The following ZNF765 variants were observed in gnomAD, a reference collection of about 807,000 sequenced individuals.
The protein encoded by ZNF765 is zinc finger protein 765.
Under a neutral mutation model 44.7 loss-of-function variants are expected in ZNF765, and 37 were observed. That is an observed-to-expected ratio of 0.83 (90% confidence interval 0.64 to 1.09). The LOEUF (loss-of-function observed/expected upper bound fraction) is 1.09, where lower values mean the gene tolerates loss of function less well. Ranked by LOEUF, ZNF765 falls within the 50% of genes least tolerant of loss-of-function variation. The pLI is 0.00. For missense variants in ZNF765, 594 were observed against 626.1 expected, an observed-to-expected ratio of 0.95 and a Z score of 0.55; for synonymous variants, 201 against 213.7, an observed-to-expected ratio of 0.94 and a Z score of 0.52.
In ZNF765 at chr19:53,410,648, G is replaced by T. The variant is rs115064408; in HGVS notation, c.*1521G>T. The T allele has an allele frequency of 5.1e-3, 2,442 of 481,542 alleles. 65 individuals carry two copies. The highest frequency in any genetic ancestry group is 0.044 in the African/African-American group (2,219 of 50,330). The allele number at this position is 481,542 out of a possible 1,614,324, so 29.8% of individuals were successfully genotyped here. On this transcript the variant is annotated 3_prime_UTR_variant, in exon 4 of 4. Transcript: ENST00000396408. ...ACTACAACCATTGCGAATCATTGGAGAATCCATAATGAAGAGAGATCATAC... is the reference window on the plus strand; with the variant it reads ...ACTACAACCATTGCGAATCATTGGATAATCCATAATGAAGAGAGATCATAC...
In ZNF765 at chr19:53,410,150, T is replaced by A. The variant is rs1020027351; in HGVS notation, c.*1023T>A. The stretch of plus-strand genomic sequence containing the variant: ...AAATCAAACCTTGATAGTCATAGAA[T>A]TCATACTAGAGAGAAACCTTAGCAG... On this transcript the variant is annotated 3_prime_UTR_variant, in exon 4 of 4. Transcript: ENST00000396408. 1.9e-5 allele frequency: 8 copies of A among 419,948 alleles called. No homozygotes were observed. The highest frequency in any genetic ancestry group is 3.4e-5 in the Non-Finnish European group (7 of 207,262). The allele number at this position is 419,948 out of a possible 1,614,324, so 26.0% of individuals were successfully genotyped here.
intron 3 of ZNF765, among the ~76,000 whole-genome samples, chr19:53,422,087 T>C (rs1344682242): frequency 6.6e-6 from 1 of 152,186 alleles, no homozygotes; most frequent in Non-Finnish European, 1.5e-5. Flanking sequence ...TATTCATAAT[T>C]GGTATCAGCC....
At chr19:53,421,136 T>C (rs1182660645) in intron 3 of ZNF765, among the ~76,000 whole-genome samples, 3 of 152,204 alleles carry the variant, frequency 2.0e-5, no homozygotes, top group Non-Finnish European at 4.4e-5. Flanking sequence ...GCAATACTGC[T>C]CTTTACTGCA....
chr19:53,398,416 A>G (rs1323431599), intron 2 of ZNF765, among the ~76,000 whole-genome samples: 1 of 152,194 alleles, frequency 6.6e-6, no homozygotes, highest in Non-Finnish European at 1.5e-5. Flanking sequence ...TGCACAAAGT[A>G]TGTGGTAAAT....
At chr19:53,413,361 A>G (rs1368946448), downstream of ZNF765, 1 of 574,740 alleles carries the variant, frequency 1.7e-6, no homozygotes, top group Non-Finnish European at 3.4e-6. Flanking sequence ...TGCACGTGAG[A>G]TGGCACACAT....
Position 53,411,536 on chromosome 19 carries a change from C to T in ZNF765, c.*2409C>T, listed in dbSNP as rs1347631980. ...TGAACTCCCAGCCTCAGATGATCCA[C>T]CCACCTCGGCCTCCCAAAGTGCTGG... is the stretch of plus-strand genomic sequence containing the variant. On this transcript the variant is annotated 3_prime_UTR_variant, in exon 4 of 4. Transcript: ENST00000396408. The T allele has an allele frequency of 1.3e-5, 2 of 152,456 alleles. No individual in the cohort carries two copies. The highest frequency in any genetic ancestry group is 2.9e-5 in the Non-Finnish European group (2 of 68,280). 9.4% of individuals were successfully genotyped at this position (152,456 alleles called of 1,614,324 possible). A position where few individuals can be genotyped will look rare whatever the true frequency, so the allele number is the denominator to read the frequency against.
In ZNF765 at chr19:53,407,697, G is replaced by T. The variant is rs766466659; in HGVS notation, c.143-1G>T. ...AACCTTTTGGTGTGTATACTTTTTA[G>T]ATATCTCTTCCAAATGCATGATGAA... On this transcript the variant is annotated splice_acceptor_variant, in intron 3 of 3. Transcript: ENST00000396408. LOFTEE classifies it high-confidence loss of function. 1.9e-6 allele frequency: 3 copies of T among 1,538,464 alleles called. No homozygotes were observed. The highest frequency in any genetic ancestry group is 2.6e-5 in the South Asian group (2 of 76,758).
chr19:53,400,004 A>G (rs2085707426), intron 2 of ZNF765, among the ~76,000 whole-genome samples: 1 of 151,992 alleles, frequency 6.6e-6, no homozygotes, highest in Admixed American at 6.6e-5. Flanking sequence ...TAGTAGAGAC[A>G]GGGTTTCACC....
In ZNF765 at chr19:53,408,449, T is replaced by G. The variant is rs1033384631; in HGVS notation, c.894T>G (p.Pro298=). The stretch of plus-strand genomic sequence containing the variant: ...GTAGACTTCATACTGGAGAGAAACC[T>G]TACAAATGTGAAGAATGTGACAAAG... ...CHRRLHTGEK[P]YKCEECDKAF... Residue 298 remains proline, a synonymous_variant, in exon 4 of 4, where the codon CCT becomes CCG. Transcript: ENST00000396408. The G allele has an allele frequency of 4.3e-6, 7 of 1,613,582 alleles. No homozygotes were observed. Among genetic ancestry groups the G allele is most frequent in the Admixed American group, 1.7e-5 (1 of 59,970 alleles).
chr19:53,408,929 A>G lies in ZNF765; in HGVS notation c.1374A>G (p.Lys458=). Residue 458 remains lysine (K), a synonymous_variant, in exon 4 of 4, where the codon AAA becomes AAG. Coordinates refer to ENST00000396408, the MANE Select transcript of ZNF765 (RefSeq NM_001040185.3). ...AATCAAACCTTGAAATACATCAGAA[A>G]ATTCATACTGAAGAGAATCCTTACA... ...SFKSNLEIHQ[K]IHTEENPYKC... 6.2e-7 allele frequency: 1 copy of G among 1,613,348 alleles called. No homozygotes were observed. The highest frequency in any genetic ancestry group is 8.5e-7 in the Non-Finnish European group (1 of 1,179,826).
At chr19:53,399,928 C>T (rs1020940924) in intron 2 of ZNF765, among the ~76,000 whole-genome samples, 2 of 152,138 alleles carry the variant, frequency 1.3e-5, no homozygotes, top group Non-Finnish European at 2.9e-5. Flanking sequence ...GATTCTCCTG[C>T]CTCAGCCTCC....
At position 53,409,422 on chromosome 19, in the gene ZNF765, TAGG is replaced by T. The variant is rs1185309835; in HGVS notation, c.*298_*300del. On this transcript the variant is annotated 3_prime_UTR_variant, in exon 4 of 4. Transcript: ENST00000396408. ...GTTTCAAATCCAACCTTGAAAGACATAGGAGAATTCACACTGGTGAGAAACCTT... is the reference window on the plus strand; with the variant it reads ...GTTTCAAATCCAACCTTGAAAGACATAGAATTCACACTGGTGAGAAACCTT... 3.8e-5 allele frequency: 32 copies of T among 848,184 alleles called. No homozygotes were observed. Among genetic ancestry groups the T allele is most frequent in the East Asian group, 7.4e-5 (3 of 40,730 alleles). 52.5% of individuals were successfully genotyped at this position (848,184 alleles called of 1,614,324 possible). A position where few individuals can be genotyped will look rare whatever the true frequency, so the allele number is the denominator to read the frequency against.
In ZNF765 at chr19:53,408,081, A is replaced by G. The variant is rs1339740085; in HGVS notation, c.526A>G (p.Thr176Ala). The G allele has an allele frequency of 4.3e-6, 7 of 1,614,048 alleles. No homozygotes were observed. Among genetic ancestry groups the G allele is most frequent in the East Asian group, 2.2e-5 (1 of 44,888 alleles). ...KSIHDASLVS[T>A]AQRISCRPET... ...TATCCACGATGCTTCCTTGGTTTCA[A>G]CAGCCCAAAGAATTTCTTGTAGGCC... is the stretch of plus-strand genomic sequence containing the variant. The change falls in exon 4 of 4, where the codon ACA (threonine) becomes GCA (alanine). Residue 176 changes from threonine (T) to alanine (A), a missense_variant. By Grantham distance (58) the Thr-to-Ala change is moderately conservative. Transcript: ENST00000396408.
At chr19:53,401,841 A>G in intron 2 of ZNF765, 1 of 1,189,504 alleles carries the variant, frequency 8.4e-7, no homozygotes, top group East Asian at 2.5e-5. Context: ...GTGCCATTGC[A>G]CTCCAGGCTG....
intron 3 of ZNF765, among the ~76,000 whole-genome samples, chr19:53,422,680 T>C (rs1458821910): frequency 6.6e-6 from 1 of 152,084 alleles, no homozygotes; most frequent in Non-Finnish European, 1.5e-5. Flanking sequence ...GTTCAAGGGA[T>C]CCTCCTACCT....
intron 2 of ZNF765, among the ~76,000 whole-genome samples, chr19:53,399,925 C>T (rs1275071796): frequency 6.6e-6 from 1 of 152,104 alleles, no homozygotes; most frequent in Non-Finnish European, 1.5e-5. Flanking sequence ...AGTGATTCTC[C>T]TGCCTCAGCC....
At chr19:53,396,630 C>T (rs1183474115) in intron 1 of ZNF765, among the ~76,000 whole-genome samples, 1 of 152,142 alleles carries the variant, frequency 6.6e-6, no homozygotes, top group Non-Finnish European at 1.5e-5. Context: ...TTCTGGAGCT[C>T]ATTCCTTTGG....
rs771367801 is a variant in ZNF765 at position 53,410,103 on chromosome 19, A to G, written c.*976A>G. 7.8e-5 allele frequency: 35 copies of G among 450,462 alleles called. No homozygotes were observed. The highest frequency in any genetic ancestry group is 1.4e-4 in the Non-Finnish European group (30 of 220,810). 27.9% of individuals were successfully genotyped at this position (450,462 alleles called of 1,614,324 possible). On this transcript the variant is annotated 3_prime_UTR_variant, in exon 4 of 4. Transcript: ENST00000396408. Reference sequence around the variant, plus strand: ...ATTAGAAACCTTACAAATGTGAAGAATGTGATGAAGCTTTCAGATTCAAAT... The same window carrying G: ...ATTAGAAACCTTACAAATGTGAAGAGTGTGATGAAGCTTTCAGATTCAAAT...
At position 53,411,729 on chromosome 19, in the gene ZNF765, G is replaced by A. The variant is rs576090030; in HGVS notation, c.*2602G>A. 1 of 152,248 alleles carries A rather than the reference G, an allele frequency of 6.6e-6. No homozygotes were observed. Among genetic ancestry groups the A allele is most frequent in the Non-Finnish European group, 1.5e-5 (1 of 68,088 alleles). The allele number at this position is 152,248 out of a possible 1,614,324, so 9.4% of individuals were successfully genotyped here. ...TTTCTAATCATTTTGATCAATGTTT[G>A]TAGATTTCAAGGTAAAAACCTCTGA... On this transcript the variant is annotated 3_prime_UTR_variant, in exon 4 of 4. Transcript: ENST00000396408.
Sources: gnomAD v4.1 joint callset for allele counts (sites outside exome capture counted in the v4.1 genomes callset) on GRCh38, gnomAD v4.1.1 for gene constraint, MANE v1.5 for transcripts, NCBI Gene and HGNC (gene_info 2026-07-23, HGNC 2026-07-21) for gene names.